Variants in INTS6 observed in about 807,000 individuals in gnomAD.
INTS6 encodes DEAD box protein.
In INTS6, 16 loss-of-function variants were observed where a neutral mutation model predicts 104.9. The ratio of observed to expected loss-of-function variants is 0.15; its 90% CI spans 0.10 to 0.23. The LOEUF (loss-of-function observed/expected upper bound fraction) is 0.23. Ranked by LOEUF, INTS6 falls within the 10% of genes least tolerant of loss-of-function variation. The pLI is 1.00. For missense variants in INTS6, 584 were observed against 1,062.8 expected, an observed-to-expected ratio of 0.55 and a Z score of 6.26; for synonymous variants, 324 against 358.7, an observed-to-expected ratio of 0.90 and a Z score of 1.09.
chr13:51,429,763 CAAAAAAAA>C (rs35873020), intron 4 of INTS6, among the ~76,000 whole-genome samples: 87 of 27,090 alleles, frequency 3.2e-3, no homozygotes, highest in Middle Eastern at 0.028. Context: ...GACTCTGTCT[CAAAAAAAA>C]AAAAAAAAAA....
chr13:51,451,393 C>T (rs1953038971), intron 2 of INTS6: 1 of 337,400 alleles, frequency 3.0e-6, no homozygotes, highest in African/African-American at 2.1e-5. Context: ...TGCCTTAATA[C>T]TTTATAACTT....
chr13:51,345,507 A>C, the INTS6 span, among the ~76,000 whole-genome samples: 1 of 149,396 alleles, frequency 6.7e-6, no homozygotes, highest in Non-Finnish European at 1.5e-5. Context: ...AGGCAGGAGA[A>C]TCGCTTGAAC....
At chr13:51,403,729 T>C (rs1453574271) in intron 4 of INTS6, among the ~76,000 whole-genome samples, 1 of 152,132 alleles carries the variant, frequency 6.6e-6, no homozygotes, top group South Asian at 2.1e-4. Context: ...TAAGTTTTAA[T>C]GACCTATTTA....
chr13:51,348,132 C>A, the INTS6 span: 2 of 1,105,304 alleles, frequency 1.8e-6, no homozygotes. Flanking sequence ...GTCCTCTGAG[C>A]CAGCCTCTCT....
At chr13:51,334,758 G>T in the INTS6 span, among the ~76,000 whole-genome samples, 1 of 152,010 alleles carries the variant, frequency 6.6e-6, no homozygotes, top group Non-Finnish European at 1.5e-5. Context: ...GAGGCAGGTG[G>T]ATCACCTGAG....
chr13:51,355,806 C>T (rs913777723), intron 3 of INTS6, among the ~76,000 whole-genome samples: 1 of 152,192 alleles, frequency 6.6e-6, no homozygotes, highest in Non-Finnish European at 1.5e-5. Context: ...CCTCTCAAGA[C>T]ACCATTGGCT....
In INTS6 at chr13:51,369,107, A is replaced by C; in HGVS notation, c.2308T>G (p.Phe770Val). 4 of 1,613,864 alleles carry C rather than the reference A, an allele frequency of 2.5e-6. No homozygotes were observed. The highest frequency in any genetic ancestry group is 3.4e-6 in the Non-Finnish European group (4 of 1,179,842). The change falls in exon 16 of 18, where the codon TTT (phenylalanine) becomes GTT (valine). Residue 770 changes from phenylalanine to valine, a missense_variant. Coordinates refer to ENST00000311234, the MANE Select transcript of INTS6 (RefSeq NM_012141.3). ...LGTNDLTVGG[F>V]LENHEEPRDK... ...CTTGGCTCCTCATGATTTTCTAAAAATCCACCAACAGTGAGGTCATTGGTT... is the reference window on the plus strand; with the variant it reads ...CTTGGCTCCTCATGATTTTCTAAAACTCCACCAACAGTGAGGTCATTGGTT...
At chr13:51,417,452 C>CTTTTTTTT (rs34887995) in intron 4 of INTS6, among the ~76,000 whole-genome samples, 2 of 112,578 alleles carry the variant, frequency 1.8e-5, no homozygotes, top group African/African-American at 3.7e-5. Flanking sequence ...TAAGAAAATT[C>CTTTTTTTT]TTTTTTTTTT....
the INTS6 span, among the ~76,000 whole-genome samples, chr13:51,343,128 T>A: frequency 1.3e-5 from 2 of 152,142 alleles, no homozygotes; most frequent in African/African-American, 2.4e-5. Flanking sequence ...TTCTGCAACA[T>A]GAAGGGTGTC....
downstream of INTS6, among the ~76,000 whole-genome samples, chr13:51,359,904 C>A (rs1051237583): frequency 2.7e-4 from 41 of 152,036 alleles, no homozygotes; most frequent in African/African-American, 8.0e-4. Flanking sequence ...AGACCAACTG[C>A]TAAAATAAAT....
the INTS6 span, chr13:51,348,293 G>T: frequency 6.2e-7 from 1 of 1,611,998 alleles, no homozygotes; most frequent in African/African-American, 1.3e-5. Flanking sequence ...TCTGTTCCTG[G>T]TGCTGCCCCG....
the INTS6 span, chr13:51,348,541 A>G: frequency 7.2e-6 from 5 of 692,984 alleles, no homozygotes; most frequent in Non-Finnish European, 1.2e-5. Context: ...ATGTATCCCC[A>G]GAAGTTAGAC....
At chr13:51,358,644 G>A (rs1407563663), downstream of INTS6, among the ~76,000 whole-genome samples, 1 of 152,046 alleles carries the variant, frequency 6.6e-6, no homozygotes, top group Non-Finnish European at 1.5e-5. Context: ...AATGTACCAA[G>A]TATTTTTAAT....
chr13:51,362,374 T>G lies in INTS6; in HGVS notation c.*3378A>C, dbSNP rs750867762. 5.4e-4 allele frequency: 93 copies of G among 171,412 alleles called. No individual in the cohort carries two copies. The highest frequency in any genetic ancestry group is 8.5e-4 in the Non-Finnish European group (70 of 82,054). The allele number at this position is 171,412 out of a possible 1,614,324, so 10.6% of individuals were successfully genotyped here. The stretch of plus-strand genomic sequence containing the variant: ...TGATCTTTCTCAAAAATCAAATGTT[T>G]GCCCTAGTACTTTTAAGTCCTACTA... On this transcript the variant is annotated 3_prime_UTR_variant, in exon 18 of 18. Transcript: ENST00000311234.
At chr13:51,378,568 TA>T (rs991117119) in intron 11 of INTS6, 114 bp from the exon 12 acceptor site, 1 of 526,686 alleles carries the variant, frequency 1.9e-6, no homozygotes, top group African/African-American at 2.0e-5. Flanking sequence ...TATAAGAAGT[TA>T]AAAACTCAAG....
At chr13:51,350,080 T>C (rs1187285667), downstream of INTS6, among the ~76,000 whole-genome samples, 2 of 152,174 alleles carry the variant, frequency 1.3e-5, no homozygotes, top group Non-Finnish European at 2.9e-5. Flanking sequence ...AAATCACTCA[T>C]TCTTCTTTTA....
chr13:51,384,485 T>C (rs967072981), intron 7 of INTS6: 2 of 378,118 alleles, frequency 5.3e-6, no homozygotes, highest in Non-Finnish European at 1.0e-5. Flanking sequence ...AGTTACTGCT[T>C]ATACCCTGGT....
chr13:51,384,922 T>C (rs562917863), intron 7 of INTS6: 28 of 333,452 alleles, frequency 8.4e-5, no homozygotes, highest in African/African-American at 5.4e-4. Flanking sequence ...AATCAGTCCC[T>C]GTCTGATCAA....
chr13:51,419,692 C>T (rs1486906835), intron 4 of INTS6, among the ~76,000 whole-genome samples: 1 of 152,176 alleles, frequency 6.6e-6, no homozygotes, highest in African/African-American at 2.4e-5. Context: ...CCTAACCCTG[C>T]ATCTGAACTT....
Sources: gnomAD v4.1 joint callset for allele counts (sites outside exome capture counted in the v4.1 genomes callset) on GRCh38, gnomAD v4.1.1 for gene constraint, MANE v1.5 for transcripts, NCBI Gene and HGNC (gene_info 2026-07-23, HGNC 2026-07-21) for gene names.